Variants in ARSJ observed in about 807,000 individuals in gnomAD.
ARSJ encodes arylsulfatase J.
A neutral mutation model predicts 35.9 loss-of-function variants in ARSJ; 26 were observed. That is an observed-to-expected ratio of 0.72 (90% CI 0.53 to 1.00). ARSJ has a LOEUF of 1.00. ARSJ is among the 50% of genes least tolerant of loss of function. The probability of loss-of-function intolerance (pLI) is 0.00; values close to 1 mark genes in which losing one functional copy is unlikely to be tolerated. For synonymous variants in ARSJ, 294 were observed against 267.6 expected (o/e 1.10, Z -0.96); for missense variants, 667 against 723.6 (o/e 0.92, Z 0.90).
chr4:113,940,214 C>G (rs1450538923), intron 1 of ARSJ, among the ~76,000 whole-genome samples: 1 of 152,152 alleles, frequency 6.6e-6, no homozygotes, highest in Admixed American at 6.5e-5. Context: ...ACACTATTCA[C>G]AATAGCAAAC....
intron 1 of ARSJ, among the ~76,000 whole-genome samples, chr4:113,922,836 A>G (rs1723769555): frequency 1.3e-5 from 2 of 152,176 alleles, no homozygotes; most frequent in Admixed American, 1.3e-4. Context: ...AAAATGTTAA[A>G]TGACCTATGT....
intron 1 of ARSJ, among the ~76,000 whole-genome samples, chr4:113,976,231 G>A (rs377079944): frequency 1.1e-4 from 16 of 152,160 alleles, no homozygotes; most frequent in Non-Finnish European, 1.6e-4. Context: ...TTTGTCATGT[G>A]AAGATATTTG....
chr4:113,951,459 T>C (rs748340677), intron 1 of ARSJ, among the ~76,000 whole-genome samples: 4 of 152,032 alleles, frequency 2.6e-5, no homozygotes, highest in Non-Finnish European at 5.9e-5. Context: ...GTCTGGACAG[T>C]GTAAAGTTCA....
rs571470529 is a variant in ARSJ at position 113,906,633 on chromosome 4, G to T, written c.399-2958C>A. 1.3e-3 allele frequency: 535 copies of T among 427,572 alleles called. 8 individuals carry two copies. Among genetic ancestry groups the T allele is most frequent in the South Asian group, 8.5e-3 (496 of 58,682 alleles). The allele number at this position is 427,572 out of a possible 1,614,324, so 26.5% of individuals were successfully genotyped here. ...AAGTTTCAGGTAATTTGGGGTGTGG[G>T]TTAAGGGTGTAGGTTTTGGAATCAA... is the stretch of plus-strand genomic sequence containing the variant. On this transcript the variant is annotated intron_variant, in intron 1 of 1. Transcript: ENST00000315366.
At chr4:113,956,685 T>C (rs1004347677) in intron 1 of ARSJ, among the ~76,000 whole-genome samples, 11 of 152,014 alleles carry the variant, frequency 7.2e-5, no homozygotes, top group Non-Finnish European at 1.3e-4. Context: ...ATGGGTAAAA[T>C]GCATTTGGAA....
At chr4:113,966,941 C>A (rs1276244774) in intron 1 of ARSJ, among the ~76,000 whole-genome samples, 1 of 152,114 alleles carries the variant, frequency 6.6e-6, no homozygotes, top group Non-Finnish European at 1.5e-5. Flanking sequence ...AGCTTGAGAA[C>A]AACCAAGTTT....
intron 1 of ARSJ, among the ~76,000 whole-genome samples, chr4:113,930,700 A>T (rs977592934): frequency 6.6e-6 from 1 of 151,770 alleles, no homozygotes; most frequent in African/African-American, 2.4e-5. Flanking sequence ...ACTATAAATC[A>T]TGCTGCTATA....
chr4:113,935,142 C>T (rs1487752074), intron 1 of ARSJ, among the ~76,000 whole-genome samples: 3 of 151,836 alleles, frequency 2.0e-5, no homozygotes, highest in Admixed American at 2.0e-4. Flanking sequence ...ATTCTTTCAA[C>T]ACTGAAGTAA....
intron 1 of ARSJ, among the ~76,000 whole-genome samples, chr4:113,960,781 A>G (rs929612867): frequency 1.1e-4 from 17 of 152,016 alleles, no homozygotes; most frequent in Admixed American, 1.1e-3. Flanking sequence ...CTCAAAGTAG[A>G]TTGAATAGGG....
Position 113,903,500 on chromosome 4 carries a change from C to G in ARSJ, c.574G>C (p.Gly192Arg). The G allele has an allele frequency of 6.2e-7, 1 of 1,614,164 alleles. No homozygotes were observed. Among genetic ancestry groups the G allele is most frequent in the Non-Finnish European group, 8.5e-7 (1 of 1,180,016 alleles). Residue 192 changes from glycine (G) to arginine (R), a missense_variant, in exon 2 of 2, where the codon GGA becomes CGA. Gly to Arg is a moderately radical substitution (Grantham distance 125, BLOSUM62 -2). Transcript: ENST00000315366. ...YRKECMPTRR[G>R]FDTFFGSLLG... ...AGGGAACCAAAAAAGGTATCAAATC[C>G]TCTTCTGGTGGGCATGCATTCTTTT...
At chr4:113,939,312 G>T (rs1724988672) in intron 1 of ARSJ, among the ~76,000 whole-genome samples, 1 of 147,004 alleles carries the variant, frequency 6.8e-6, no homozygotes, top group Admixed American at 6.9e-5. Context: ...GTCTATCATT[G>T]TTGGACATTT....
At chr4:113,925,700 C>G (rs769705910) in intron 1 of ARSJ, among the ~76,000 whole-genome samples, 7 of 152,156 alleles carry the variant, frequency 4.6e-5, no homozygotes, top group Non-Finnish European at 1.0e-4. Context: ...GTGGATGAAG[C>G]ATCCCATGAG....
At chr4:113,905,660 ATT>A (rs766150372) in intron 1 of ARSJ, among the ~76,000 whole-genome samples, 12 of 81,854 alleles carry the variant, frequency 1.5e-4, no homozygotes, top group African/African-American at 5.6e-4. Context: ...GTTCTTGATA[ATT>A]TTTTTTTTTT....
At chr4:113,949,724 A>G (rs1180677179) in intron 1 of ARSJ, among the ~76,000 whole-genome samples, 1 of 152,062 alleles carries the variant, frequency 6.6e-6, no homozygotes, top group Non-Finnish European at 1.5e-5. Flanking sequence ...TTTGCTCCTC[A>G]TTGCCCCATG....
At chr4:113,952,262 T>C (rs2149275730) in intron 1 of ARSJ, among the ~76,000 whole-genome samples, 1 of 152,222 alleles carries the variant, frequency 6.6e-6, no homozygotes, top group Admixed American at 6.6e-5. Flanking sequence ...TCAAACAATT[T>C]AAGACCACTT....
At chr4:113,925,881 G>C (rs950261092) in intron 1 of ARSJ, among the ~76,000 whole-genome samples, 1 of 152,160 alleles carries the variant, frequency 6.6e-6, no homozygotes, top group African/African-American at 2.4e-5. Context: ...TGAGGGCTCA[G>C]TGTTGGTCTC....
In ARSJ at chr4:113,911,899, T is replaced by C. The variant is rs765259512; in HGVS notation, c.399-8224A>G. 2.6e-5 allele frequency among the ~76,000 whole-genome samples: 4 copies of C among 152,350 alleles called. No homozygotes were observed. In the South Asian group the frequency reaches 6.2e-4, roughly 24 times the overall value. On this transcript the variant is annotated intron_variant, in intron 1 of 1. Coordinates refer to ENST00000315366, the MANE Select transcript of ARSJ (RefSeq NM_024590.4). ...ACCATAGTAACTAATTTAGTACTTA[T>C]GGCTAGCCCATTATATCATGCTGTA...
At chr4:113,933,856 T>C (rs1349938086) in intron 1 of ARSJ, among the ~76,000 whole-genome samples, 1 of 151,790 alleles carries the variant, frequency 6.6e-6, no homozygotes, top group Admixed American at 6.6e-5. Flanking sequence ...TATAGAATTA[T>C]GTTTATTTAA....
chr4:113,913,219 T>C (rs1723052325), intron 1 of ARSJ, among the ~76,000 whole-genome samples: 1 of 152,220 alleles, frequency 6.6e-6, no homozygotes, highest in African/African-American at 2.4e-5. Flanking sequence ...TCCTAGTCTC[T>C]GCTATTTGTC....
Sources: allele counts gnomAD v4.1 joint callset (sites outside exome capture counted in the v4.1 genomes callset), GRCh38; gene constraint gnomAD v4.1.1; transcripts MANE v1.5; gene names NCBI Gene and HGNC (gene_info 2026-07-23, HGNC 2026-07-21).